COG6: variants seen among roughly 807,000 people sequenced by gnomAD.
COG6 encodes the protein conserved oligomeric Golgi complex subunit 6.
COG6 carries 74 observed loss-of-function variants against 88.8 expected under a neutral mutation model. The observed-to-expected ratio is 0.83, with a 90% CI of 0.69 to 1.01. The LOEUF (loss-of-function observed/expected upper bound fraction) is 1.01. Among genes scored for constraint, COG6 ranks in the 50% least tolerant of loss-of-function variants. The pLI, the probability that COG6 is intolerant of heterozygous loss-of-function variation, is 0.00. For synonymous variants in COG6, 286 were observed against 278.7 expected (o/e 1.03, Z -0.26); for missense variants, 800 against 797.9 (o/e 1.00, Z -0.03).
intron 12 of COG6, among the ~76,000 whole-genome samples, chr13:39,696,414 A>T (rs1278213405): frequency 6.6e-6 from 1 of 151,912 alleles, no homozygotes; most frequent in Non-Finnish European, 1.5e-5. Flanking sequence ...ACATGAGAAG[A>T]TATATGTGTG....
chr13:39,745,007 ATAAATGG>A, intron 18 of COG6, among the ~76,000 whole-genome samples: 1 of 152,336 alleles, frequency 6.6e-6, no homozygotes, highest in Non-Finnish European at 1.5e-5. Context: ...TCCCTATTTA[ATAAATGG>A]TACTGGGAAA....
exon 19 of COG6, chr13:39,789,103 A>G (rs990235780): frequency 6.6e-6 from 1 of 152,216 alleles, no homozygotes; most frequent in African/African-American, 2.4e-5. Flanking sequence ...ATTCCCCTGC[A>G]TACTTTAAAG....
chr13:39,687,915 G>C (rs1876760085), intron 10 of COG6, 116 bp downstream of exon 10: 3 of 738,422 alleles, frequency 4.1e-6, no homozygotes, highest in Non-Finnish European at 7.2e-6. Flanking sequence ...GGTACAATAA[G>C]CATCCTGATT....
At chr13:39,784,276 A>T (rs1353179853) in intron 18 of COG6, among the ~76,000 whole-genome samples, 2 of 152,208 alleles carry the variant, frequency 1.3e-5, no homozygotes, top group Non-Finnish European at 2.9e-5. Context: ...CGTCAGGAGA[A>T]CATCCTATGA....
intron 11 of COG6, among the ~76,000 whole-genome samples, chr13:39,692,157 G>GCTCTAAGT (rs1877014476): frequency 1.3e-5 from 2 of 151,978 alleles, no homozygotes; most frequent in South Asian, 4.1e-4. Flanking sequence ...AAGAATCTGT[G>GCTCTAAGT]CTCTAAGTTT....
intron 18 of COG6, among the ~76,000 whole-genome samples, chr13:39,747,819 T>G (rs974276091): frequency 3.3e-5 from 5 of 152,202 alleles, no homozygotes; most frequent in African/African-American, 1.2e-4. Flanking sequence ...TTTAAATTTT[T>G]TATCACTGTT....
At chr13:39,783,449 T>C (rs1881686874) in intron 18 of COG6, among the ~76,000 whole-genome samples, 2 of 152,218 alleles carry the variant, frequency 1.3e-5, no homozygotes, top group African/African-American at 4.8e-5. Context: ...TGTTTTGTTT[T>C]GTTTTTTTCA....
chr13:39,788,631 A>T (rs1222429708), exon 19 of COG6: 1 of 452,294 alleles, frequency 2.2e-6, no homozygotes, highest in African/African-American at 1.9e-5. Flanking sequence ...AAGTAAATGT[A>T]TGCAAAGCAC....
chr13:39,752,142 G>A lies in COG6; in HGVS notation c.*1049G>A. ...CCAGTGTGCCTGATTTGACATTCTT[G>A]TCAGCAAAAAAAAACTTAATTTCTA... On this transcript the variant is annotated 3_prime_UTR_variant, in exon 19 of 19. Transcript: ENST00000455146. 8.3e-7 allele frequency: 1 copy of A among 1,201,814 alleles called. No homozygotes were observed. Among genetic ancestry groups the A allele is most frequent in the Non-Finnish European group, 1.1e-6 (1 of 945,442 alleles). The allele number at this position is 1,201,814 out of a possible 1,614,324, so 74.4% of individuals were successfully genotyped here.
chr13:39,672,211 G>C (rs1215293906), intron 4 of COG6, among the ~76,000 whole-genome samples: 2 of 151,942 alleles, frequency 1.3e-5, no homozygotes, highest in Admixed American at 1.3e-4. Flanking sequence ...GCTGTATTTT[G>C]TACAGTTATA....
intron 10 of COG6, among the ~76,000 whole-genome samples, chr13:39,688,701 A>C (rs368372322): frequency 6.6e-6 from 1 of 152,202 alleles, no homozygotes; most frequent in African/African-American, 2.4e-5. Context: ...ATGTACTTAA[A>C]ATTTTTGTCT....
chr13:39,674,823 G>A (rs1042209988), intron 4 of COG6, among the ~76,000 whole-genome samples: 3 of 152,108 alleles, frequency 2.0e-5, no homozygotes, highest in East Asian at 3.9e-4. Context: ...CTTAGTAGCC[G>A]TCTCAGTTAT....
At chr13:39,736,274 G>T (rs1879739167) in intron 18 of COG6, among the ~76,000 whole-genome samples, 1 of 151,794 alleles carries the variant, frequency 6.6e-6, no homozygotes, top group Admixed American at 6.6e-5. Context: ...TCTTCTGTTT[G>T]ATTAGTTCTG....
chr13:39,685,756 A>G (rs1293104673), intron 8 of COG6, among the ~76,000 whole-genome samples: 1 of 152,330 alleles, frequency 6.6e-6, no homozygotes. Flanking sequence ...ATTTAAGAGC[A>G]TGAGGGAAAA....
chr13:39,746,113 A>C (rs903572740), intron 18 of COG6, among the ~76,000 whole-genome samples: 1 of 152,230 alleles, frequency 6.6e-6, no homozygotes, highest in Middle Eastern at 3.4e-3. Flanking sequence ...GGATAGCATT[A>C]GGAGAAATAC....
chr13:39,730,908 A>C (rs930448557), intron 18 of COG6, among the ~76,000 whole-genome samples: 3 of 150,416 alleles, frequency 2.0e-5, no homozygotes, highest in African/African-American at 7.3e-5. Context: ...TACAGCCTCC[A>C]TCTCCTGGGT....
chr13:39,743,735 C>A (rs1367903082), intron 18 of COG6, among the ~76,000 whole-genome samples: 1 of 152,158 alleles, frequency 6.6e-6, no homozygotes. Flanking sequence ...AAGAGGGAAT[C>A]CTCCCTAACT....
chr13:39,760,655 ATT>A (rs1352011959), intron 18 of COG6, among the ~76,000 whole-genome samples: 2 of 152,118 alleles, frequency 1.3e-5, no homozygotes, highest in Non-Finnish European at 2.9e-5. Flanking sequence ...CACTACTATG[ATT>A]TACCAAAAGA....
At chr13:39,674,440 A>G (rs1875843001) in intron 4 of COG6, among the ~76,000 whole-genome samples, 1 of 152,190 alleles carries the variant, frequency 6.6e-6, no homozygotes, top group Admixed American at 6.6e-5. Context: ...AAGAAAAAGA[A>G]AAGTACCACA....
Sources: gnomAD v4.1 joint callset for allele counts (sites outside exome capture counted in the v4.1 genomes callset) on GRCh38, gnomAD v4.1.1 for gene constraint, MANE v1.5 for transcripts, NCBI Gene and HGNC (gene_info 2026-07-23, HGNC 2026-07-21) for gene names.